Variants in KLHL4 observed in about 807,000 individuals in gnomAD.
KLHL4 encodes the protein kelch-like protein 4.
Under a neutral mutation model 45.8 loss-of-function variants are expected in KLHL4, and 17 were observed. The observed-to-expected ratio is 0.37, with a 90% CI of 0.25 to 0.56. The LOEUF (loss-of-function observed/expected upper bound fraction) is 0.56, where lower values mean the gene tolerates loss of function less well. Among genes scored for constraint, KLHL4 ranks in the 20% least tolerant of loss-of-function variants. The pLI is 0.79. For missense variants in KLHL4, 544 were observed against 544.9 expected, an observed-to-expected ratio of 1.00 and a Z score of 0.02; for synonymous variants, 224 against 189.9, an observed-to-expected ratio of 1.18 and a Z score of -1.47.
At position 87,565,765 on chromosome X, in the gene KLHL4, A is replaced by T. The variant is rs1012679232; in HGVS notation, c.422+47450A>T. ...TGATCTTACAGATACAAAAATAATT[A>T]TAAGAGTTGATTATAAACAATTGTT... On this transcript the variant is annotated intron_variant, in intron 1 of 10. Coordinates refer to ENST00000373119, the MANE Select transcript of KLHL4 (RefSeq NM_019117.5). Among the ~76,000 whole-genome samples, 124 of 93,202 alleles carry T rather than the reference A, an allele frequency of 1.3e-3. 1 individual carries two copies. The highest frequency in any genetic ancestry group is 4.6e-3 in the African/African-American group (114 of 24,653). The allele number at this position is 93,202 out of a possible 115,157, so 80.9% of individuals were successfully genotyped here.
At chrX:87,626,909 CT>C in intron 6 of KLHL4, among the ~76,000 whole-genome samples, 1 of 111,666 alleles carries the variant, frequency 9.0e-6, no homozygotes, top group East Asian at 2.8e-4. Context: ...CATTTCCATG[CT>C]AGTAAGAAGA....
intron 1 of KLHL4, among the ~76,000 whole-genome samples, chrX:87,611,245 G>A (rs12353827): frequency 0.38 from 42,169 of 110,297 alleles, 6,161 homozygotes; most frequent in Middle Eastern, 0.46. Context: ...AAATATTAAA[G>A]AGGGTATTTG....
intron 1 of KLHL4, among the ~76,000 whole-genome samples, chrX:87,602,704 G>T (rs995774852): frequency 1.8e-5 from 2 of 111,348 alleles, no homozygotes; most frequent in African/African-American, 6.5e-5. Flanking sequence ...TATCCCTCTT[G>T]TTAAACAACT....
chrX:87,632,301 A>G lies in KLHL4; in HGVS notation c.1416A>G (p.Ala472=). The G allele has an allele frequency of 1.7e-6, 2 of 1,207,671 alleles. No homozygotes were observed. Among genetic ancestry groups the G allele is most frequent in the Non-Finnish European group, 2.2e-6 (2 of 891,857 alleles). The change falls in exon 7 of 11, where the codon GCA becomes GCG. Residue 472 remains alanine, a synonymous_variant. Transcript: ENST00000373119. ...MNGRRLQFGV[A]VIDNKLYVVG... ...GCCGTAGGCTTCAATTTGGAGTCGC[A>G]GTTATTGATAATAAGCTCTATGTCG...
At chrX:87,593,069 T>C (rs1255547105) in intron 1 of KLHL4, among the ~76,000 whole-genome samples, 2 of 112,003 alleles carry the variant, frequency 1.8e-5, no homozygotes, top group Non-Finnish European at 3.8e-5. Flanking sequence ...GTTAATCTTA[T>C]TGATGAATAC....
intron 1 of KLHL4, among the ~76,000 whole-genome samples, chrX:87,571,392 T>A (rs1932332068): frequency 9.0e-6 from 1 of 111,129 alleles, no homozygotes; most frequent in South Asian, 3.7e-4. Context: ...TTGTCAAAAC[T>A]TAAAGAATAT....
At chrX:87,555,112 C>T (rs1432554828) in intron 1 of KLHL4, among the ~76,000 whole-genome samples, 5 of 99,435 alleles carry the variant, frequency 5.0e-5, no homozygotes, top group Admixed American at 1.3e-4. Context: ...CTGCTGGATT[C>T]GGTTTGCCAG....
At chrX:87,587,865 C>A (rs1921532852) in intron 1 of KLHL4, among the ~76,000 whole-genome samples, 1 of 111,210 alleles carries the variant, frequency 9.0e-6, no homozygotes, top group Non-Finnish European at 1.9e-5. Context: ...ATCAAATTAT[C>A]CTTTTTTGTG....
rs1924512990 is a variant in KLHL4 at position 87,669,969 on chromosome X, C to T, written c.*3435C>T. On this transcript the variant is annotated 3_prime_UTR_variant, in exon 11 of 11. Transcript: ENST00000373119. ...TGATTTAATCATCCCACACTGTATACATATGCCAAAATATCATTTTGTATG... is the reference window on the plus strand; with the variant it reads ...TGATTTAATCATCCCACACTGTATATATATGCCAAAATATCATTTTGTATG... 9.0e-6 allele frequency: 1 copy of T among 111,625 alleles called. No homozygotes were observed. The highest frequency in any genetic ancestry group is 1.9e-5 in the Non-Finnish European group (1 of 53,164). 9.2% of individuals were successfully genotyped at this position (111,625 alleles called of 1,213,427 possible). A position where few individuals can be genotyped will look rare whatever the true frequency, so the allele number is the denominator to read the frequency against.
chrX:87,635,690 A>C lies in KLHL4; in HGVS notation c.1840A>C (p.Thr614Pro). ...SKRRGGVGVATYNGFLYVVGG... is the reference protein window; with the variant it reads ...SKRRGGVGVAPYNGFLYVVGG... ...AAGACGTGGAGGTGTGGGAGTTGCC[A>C]CATACAATGGATTCTTATATGTTGT... is the stretch of plus-strand genomic sequence containing the variant. The change falls in exon 9 of 11, where the codon ACA becomes CCA. Residue 614 changes from threonine (T) to proline (P), a missense_variant. Thr to Pro is a conservative substitution (Grantham distance 38, BLOSUM62 -1). Coordinates refer to ENST00000373119, the MANE Select transcript of KLHL4 (RefSeq NM_019117.5). The C allele has an allele frequency of 5.8e-6, 7 of 1,210,848 alleles. No homozygotes were observed. Among genetic ancestry groups the C allele is most frequent in the Non-Finnish European group, 6.7e-6 (6 of 894,447 alleles).
At chrX:87,529,467 C>T (rs762542098) in intron 1 of KLHL4, among the ~76,000 whole-genome samples, 2 of 106,971 alleles carry the variant, frequency 1.9e-5, no homozygotes, top group South Asian at 8.5e-4. Flanking sequence ...AATATTATAC[C>T]TTAACTGGAA....
At chrX:87,610,175 T>C (rs1602442489) in intron 1 of KLHL4, among the ~76,000 whole-genome samples, 1 of 112,094 alleles carries the variant, frequency 8.9e-6, no homozygotes, top group Non-Finnish European at 1.9e-5. Flanking sequence ...TTTGTTTCTC[T>C]TCATAGACCT....
At chrX:87,639,658 T>A (rs182776043) in intron 9 of KLHL4, among the ~76,000 whole-genome samples, 2 of 110,995 alleles carry the variant, frequency 1.8e-5, no homozygotes, top group East Asian at 5.7e-4. Flanking sequence ...TTATTTGAAC[T>A]GAACAATAAT....
At chrX:87,648,656 TTA>T (rs200231660) in intron 9 of KLHL4, among the ~76,000 whole-genome samples, 5,771 of 110,193 alleles carry the variant, frequency 0.052, 375 homozygotes, top group African/African-American at 0.18. Flanking sequence ...AGGATGAATA[TTA>T]TTTTTTTTCT....
chrX:87,595,162 C>T (rs1202508344), intron 1 of KLHL4, among the ~76,000 whole-genome samples: 1 of 110,604 alleles, frequency 9.0e-6, no homozygotes, highest in Non-Finnish European at 1.9e-5. Context: ...TAATGCTATC[C>T]CTGCCCCCTC....
intron 9 of KLHL4, among the ~76,000 whole-genome samples, chrX:87,663,587 T>A (rs140458432): frequency 2.3e-4 from 26 of 112,602 alleles, no homozygotes; most frequent in African/African-American, 8.4e-4. Flanking sequence ...TGGTTCATGA[T>A]TCATCTGTGT....
intron 1 of KLHL4, among the ~76,000 whole-genome samples, chrX:87,552,124 G>GA (rs1192219857): frequency 1.8e-5 from 2 of 111,162 alleles, no homozygotes; most frequent in African/African-American, 6.5e-5. Context: ...CAGAGTTGGA[G>GA]AAAATCTTCA....
intron 1 of KLHL4, among the ~76,000 whole-genome samples, chrX:87,589,170 G>C (rs1198746019): frequency 8.9e-6 from 1 of 111,897 alleles, no homozygotes; most frequent in Admixed American, 9.4e-5. Flanking sequence ...TGCTGGTGGG[G>C]ATGTGGAGAA....
intron 2 of KLHL4, 143 bp downstream of exon 2, chrX:87,614,187 C>T: frequency 1.8e-6 from 1 of 552,182 alleles, no homozygotes. Context: ...TGATCTGTTT[C>T]TCTGTGTATT....
Sources: allele counts gnomAD v4.1 joint callset (sites outside exome capture counted in the v4.1 genomes callset), GRCh38; gene constraint gnomAD v4.1.1; transcripts MANE v1.5; gene names NCBI Gene and HGNC (gene_info 2026-07-23, HGNC 2026-07-21).